The following CDH12 variants were observed in gnomAD, a reference collection of about 807,000 sequenced individuals.
CDH12 encodes cadherin 12.
In CDH12, 41 loss-of-function variants were observed where a neutral mutation model predicts 74.1. The ratio of observed to expected loss-of-function variants is 0.55; its 90% CI spans 0.43 to 0.72. The LOEUF is 0.72. Ranked by LOEUF, CDH12 falls within the 30% of genes least tolerant of loss-of-function variation. CDH12 has a pLI of 0.00. For synonymous variants in CDH12, 399 were observed against 355.0 expected (o/e 1.12, Z -1.39); for missense variants, 945 against 977.2 (o/e 0.97, Z 0.44).
At chr5:21,938,746 A>C (rs908028417) in intron 6 of CDH12, among the ~76,000 whole-genome samples, 1 of 138,406 alleles carries the variant, frequency 7.2e-6, no homozygotes, top group Non-Finnish European at 1.5e-5. Context: ...ATATATATAT[A>C]TATCTTCTAC....
In CDH12 at chr5:22,814,970, A is replaced by T. The variant is rs185405105; in HGVS notation, c.-523+38088T>A. 1.8e-4 allele frequency among the ~76,000 whole-genome samples: 28 copies of T among 152,314 alleles called. No homozygotes were observed. The East Asian group carries it at 1.9e-3, about 10-fold the overall frequency. Reference sequence around the variant, plus strand: ...TTCAGATAGCTTCAGAAGAGAAAATAAAAAGATGAAGAAATAAAATATTAG... The same window carrying T: ...TTCAGATAGCTTCAGAAGAGAAAATTAAAAGATGAAGAAATAAAATATTAG... On this transcript the variant is annotated intron_variant, in intron 1 of 14. Transcript: ENST00000382254.
chr5:22,198,542 T>C (rs1430316300), intron 4 of CDH12, among the ~76,000 whole-genome samples: 1 of 152,104 alleles, frequency 6.6e-6, no homozygotes, highest in East Asian at 1.9e-4. Flanking sequence ...AACTGGAATG[T>C]TAAATTTGCT....
chr5:22,689,870 T>C (rs1741991610), intron 1 of CDH12, among the ~76,000 whole-genome samples: 1 of 152,044 alleles, frequency 6.6e-6, no homozygotes, highest in African/African-American at 2.4e-5. Flanking sequence ...TACAAATAAT[T>C]ATAATAAAAT....
chr5:22,406,309 G>C (rs2126460947), intron 2 of CDH12, among the ~76,000 whole-genome samples: 1 of 152,230 alleles, frequency 6.6e-6, no homozygotes, highest in African/African-American at 2.4e-5. Context: ...GCAATGACGA[G>C]AGTCATCACT....
Position 22,426,055 on chromosome 5 carries a change from C to T in CDH12, c.-427-20704G>A, listed in dbSNP as rs374975085. 5.9e-5 allele frequency among the ~76,000 whole-genome samples: 9 copies of T among 151,726 alleles called. No homozygotes were observed. The South Asian group carries it at 6.3e-4, about 11-fold the overall frequency. ...TACAAAAATTAGCTGGGTGTGGTGGCGGGCGCCTGTAGTTCCAGCTACTCA... is the reference window on the plus strand; with the variant it reads ...TACAAAAATTAGCTGGGTGTGGTGGTGGGCGCCTGTAGTTCCAGCTACTCA... On this transcript the variant is annotated intron_variant, in intron 2 of 14. Transcript: ENST00000382254.
intron 2 of CDH12, among the ~76,000 whole-genome samples, chr5:22,453,864 A>C (rs1180324466): frequency 6.6e-6 from 1 of 152,068 alleles, no homozygotes; most frequent in African/African-American, 2.4e-5. Context: ...AATTATTACT[A>C]AGTAATCGAT....
At chr5:22,046,833 C>T (rs546913488) in intron 5 of CDH12, among the ~76,000 whole-genome samples, 2 of 152,104 alleles carry the variant, frequency 1.3e-5, no homozygotes, top group African/African-American at 4.8e-5. Context: ...TGGAAATATT[C>T]CCCCAAAACT....
chr5:22,466,566 TA>T (rs1458873502), intron 2 of CDH12, among the ~76,000 whole-genome samples: 1 of 151,780 alleles, frequency 6.6e-6, no homozygotes, highest in East Asian at 1.9e-4. Flanking sequence ...TGTGTAGGAG[TA>T]AAGGCAAAAA....
chr5:22,625,794 C>T (rs931542634), intron 1 of CDH12, among the ~76,000 whole-genome samples: 1 of 152,124 alleles, frequency 6.6e-6, no homozygotes, highest in Non-Finnish European at 1.5e-5. Flanking sequence ...GCAGACCACA[C>T]CTGACCATCA....
intron 6 of CDH12, among the ~76,000 whole-genome samples, chr5:21,878,574 C>CAAAAAAA (rs55681202): frequency 6.3e-4 from 76 of 119,734 alleles, no homozygotes; most frequent in African/African-American, 2.2e-3. Context: ...ACCAAAAATA[C>CAAAAAAA]AAAAAAAAAA....
intron 6 of CDH12, among the ~76,000 whole-genome samples, chr5:21,871,829 G>A (rs1342838181): frequency 2.0e-5 from 3 of 152,102 alleles, no homozygotes; most frequent in Non-Finnish European, 2.9e-5. Context: ...ACACTTGCAA[G>A]ACTCCTATCC....
intron 2 of CDH12, among the ~76,000 whole-genome samples, chr5:22,456,430 T>C (rs1745277568): frequency 6.6e-6 from 1 of 152,080 alleles, no homozygotes; most frequent in Admixed American, 6.6e-5. Flanking sequence ...GAACTTCACA[T>C]GCTGATACTC....
chr5:21,943,153 C>A (rs1755415667), intron 6 of CDH12, among the ~76,000 whole-genome samples: 1 of 152,142 alleles, frequency 6.6e-6, no homozygotes, highest in Admixed American at 6.5e-5. Context: ...CCTGAGGCCT[C>A]CCCAGCCATG....
At chr5:22,576,971 C>A (rs1041106369) in intron 1 of CDH12, among the ~76,000 whole-genome samples, 1 of 152,034 alleles carries the variant, frequency 6.6e-6, no homozygotes, top group African/African-American at 2.4e-5. Context: ...CCATATTTCT[C>A]TAGAATCATA....
intron 4 of CDH12, among the ~76,000 whole-genome samples, chr5:22,085,661 G>A (rs889439731): frequency 2.0e-5 from 3 of 151,760 alleles, no homozygotes; most frequent in Non-Finnish European, 2.9e-5. Flanking sequence ...GATCCCCATT[G>A]AACAATATAA....
chr5:21,835,216 CA>C (rs1396206141), intron 8 of CDH12, among the ~76,000 whole-genome samples: 1 of 151,784 alleles, frequency 6.6e-6, no homozygotes, highest in Non-Finnish European at 1.5e-5. Context: ...ACTCAAATAA[CA>C]GGAAATATTT....
At chr5:21,776,810 C>A (rs1745614801) in intron 11 of CDH12, among the ~76,000 whole-genome samples, 1 of 152,182 alleles carries the variant, frequency 6.6e-6, no homozygotes, top group African/African-American at 2.4e-5. Context: ...ATTCTCATCA[C>A]TGAGTCACCC....
At chr5:22,670,000 C>CT (rs1347469726) in intron 1 of CDH12, among the ~76,000 whole-genome samples, 3 of 151,994 alleles carry the variant, frequency 2.0e-5, no homozygotes, top group Admixed American at 1.3e-4. Context: ...TTTTCTTAGT[C>CT]TTTTTTTATT....
chr5:22,119,636 A>C lies in CDH12; in HGVS notation c.-186-40774T>G, dbSNP rs1745388246. Among the ~76,000 whole-genome samples the C allele has an allele frequency of 1.3e-5, 2 of 152,082 alleles. 1 individual carries two copies. Among genetic ancestry groups the C allele is most frequent in the African/African-American group, 4.8e-5 (2 of 41,418 alleles). On this transcript the variant is annotated intron_variant, in intron 4 of 14. Coordinates refer to ENST00000382254, the MANE Select transcript of CDH12 (RefSeq NM_004061.5). ...CATTGGAAGGAAGGGTTGACATTTA[A>C]GTATATAAATTATGGGTTTTTGTCA...
Sources: gnomAD v4.1 joint callset for allele counts (sites outside exome capture counted in the v4.1 genomes callset) on GRCh38, gnomAD v4.1.1 for gene constraint, MANE v1.5 for transcripts, NCBI Gene and HGNC (gene_info 2026-07-23, HGNC 2026-07-21) for gene names.